NEGR1: variants seen among roughly 807,000 people sequenced by gnomAD.
The protein encoded by NEGR1 is neuronal growth regulator 1, also known as IgLON family member 4.
A neutral mutation model predicts 40.9 loss-of-function variants in NEGR1; 10 were observed. The observed-to-expected ratio is 0.24, with a 90% CI of 0.15 to 0.42. The LOEUF (loss-of-function observed/expected upper bound fraction) is 0.42, where lower values mean the gene tolerates loss of function less well. Ranked by LOEUF, NEGR1 falls within the 10% of genes least tolerant of loss-of-function variation. The pLI is 1.00. For missense variants in NEGR1, 352 were observed against 438.9 expected (o/e 0.80, Z 1.77); for synonymous variants, 185 against 166.8 (o/e 1.11, Z -0.84).
chr1:71,442,620 T>A (rs919033224), intron 6 of NEGR1, among the ~76,000 whole-genome samples: 1 of 151,948 alleles, frequency 6.6e-6, no homozygotes, highest in Non-Finnish European at 1.5e-5. Context: ...TCTCAAAAAA[T>A]AAATAAATAA....
At chr1:71,809,216 T>C (rs2101759588) in intron 2 of NEGR1, among the ~76,000 whole-genome samples, 1 of 152,188 alleles carries the variant, frequency 6.6e-6, no homozygotes, top group South Asian at 2.1e-4. Flanking sequence ...GGTGCTTCCC[T>C]GAGTTTTTTA....
intron 4 of NEGR1, 76 bp from the exon 5 acceptor site, chr1:71,611,222 T>A: frequency 7.5e-7 from 1 of 1,341,832 alleles, no homozygotes; most frequent in East Asian, 2.4e-5. Flanking sequence ...CACACATATA[T>A]TTTTATTCCT....
intron 1 of NEGR1, among the ~76,000 whole-genome samples, chr1:72,007,874 C>T (rs940697162): frequency 6.6e-6 from 1 of 151,950 alleles, no homozygotes; most frequent in Non-Finnish European, 1.5e-5. Flanking sequence ...TTTCTTTGCT[C>T]CTCAAAGAAA....
chr1:71,658,501 T>C (rs964859627), intron 4 of NEGR1, among the ~76,000 whole-genome samples: 4 of 152,186 alleles, frequency 2.6e-5, no homozygotes, highest in African/African-American at 7.2e-5. Flanking sequence ...AATTGCTTAA[T>C]ACGGGCCATG....
chr1:72,073,035 AT>A (rs1647539820), intron 1 of NEGR1, among the ~76,000 whole-genome samples: 1 of 152,172 alleles, frequency 6.6e-6, no homozygotes, highest in South Asian at 2.1e-4. Flanking sequence ...TTATTGGGGA[AT>A]GCTCCTGGCA....
At chr1:71,425,894 C>A (rs1203895838) in intron 6 of NEGR1, among the ~76,000 whole-genome samples, 1 of 152,086 alleles carries the variant, frequency 6.6e-6, no homozygotes, top group Non-Finnish European at 1.5e-5. Context: ...CCAAACATTC[C>A]CCTGAGGCTC....
At chr1:71,909,375 C>A (rs1557428583) in intron 2 of NEGR1, among the ~76,000 whole-genome samples, 1 of 152,130 alleles carries the variant, frequency 6.6e-6, no homozygotes, top group Non-Finnish European at 1.5e-5. Flanking sequence ...TTTTATATTT[C>A]TTCAAAGATA....
rs12027266 is a variant in NEGR1, at chr1:72,123,727, G to T, written c.176+158592C>A. On this transcript the variant is annotated intron_variant, in intron 1 of 6. Coordinates refer to ENST00000357731, the MANE Select transcript of NEGR1 (RefSeq NM_173808.3). ...AGTATGAACAAATCATTATCAAAAA[G>T]GATGAGGTAACATATTATTTTATAT... Among the ~76,000 whole-genome samples, 335 of 151,926 alleles carry T rather than the reference G, an allele frequency of 2.2e-3. 13 individuals are homozygous for T. The East Asian group carries it at 0.057, about 26-fold the overall frequency.
In NEGR1 at chr1:71,685,236, A is replaced by T. The variant is rs1273047162; in HGVS notation, c.667+12772T>A. ...AAAGACTTCTGTTTATGTTTCCTGC[A>T]TTCATTTACAATAGGGTTTACTTTT... On this transcript the variant is annotated intron_variant, in intron 4 of 6. Coordinates refer to ENST00000357731, the MANE Select transcript of NEGR1 (RefSeq NM_173808.3). 2.0e-5 allele frequency among the ~76,000 whole-genome samples: 3 copies of T among 151,962 alleles called. No homozygotes were observed. The East Asian group carries it at 5.8e-4, about 29-fold the overall frequency.
chr1:71,816,430 G>A (rs1170325467), intron 2 of NEGR1, among the ~76,000 whole-genome samples: 1 of 152,034 alleles, frequency 6.6e-6, no homozygotes, highest in East Asian at 1.9e-4. Context: ...CATGGCTAGG[G>A]AGGCCTCACA....
chr1:71,862,807 C>T (rs1659990738), intron 2 of NEGR1, among the ~76,000 whole-genome samples: 1 of 152,026 alleles, frequency 6.6e-6, no homozygotes, highest in Non-Finnish European at 1.5e-5. Context: ...AGACGATTCT[C>T]AAAAGAAGAC....
chr1:71,563,245 T>G (rs533167961), intron 6 of NEGR1, among the ~76,000 whole-genome samples: 6 of 151,996 alleles, frequency 3.9e-5, no homozygotes, highest in Non-Finnish European at 8.8e-5. Flanking sequence ...CTGCTGACTC[T>G]GGGAGATACT....
At chr1:71,999,682 T>TATATATATATATATATAC (rs1317765700) in intron 1 of NEGR1, among the ~76,000 whole-genome samples, 4 of 91,722 alleles carry the variant, frequency 4.4e-5, no homozygotes, top group Non-Finnish European at 8.7e-5. Flanking sequence ...TATATATACA[T>TATATATATATATATATAC]ACATATTTTT....
chr1:71,861,541 A>T (rs1017690910), intron 2 of NEGR1, among the ~76,000 whole-genome samples: 1 of 152,090 alleles, frequency 6.6e-6, no homozygotes, highest in African/African-American at 2.4e-5. Context: ...AGCTTCTTCA[A>T]CACCAAAGAA....
At chr1:71,990,012 C>T (rs766988603) in intron 1 of NEGR1, among the ~76,000 whole-genome samples, 5 of 152,132 alleles carry the variant, frequency 3.3e-5, no homozygotes, top group Non-Finnish European at 7.3e-5. Flanking sequence ...AACAAGGATG[C>T]ATTATCTGAT....
rs546160294 is a variant in NEGR1 at position 71,592,826 on chromosome 1, G to T, written c.931C>A (p.Pro311Thr). Reference sequence around the variant, plus strand: ...CCATTGCATTACTTACGGTTAAGAGGCAGGCTCGCATTGGTTGTGCCTAGC... The same window carrying T: ...CCATTGCATTACTTACGGTTAAGAGTCAGGCTCGCATTGGTTGTGCCTAGC... ...NKLGTTNASL[P>T]LNPPSTAQYG... is the part of the protein sequence containing the mutation. Residue 311 changes from proline (P) to threonine (T), a missense_variant, in exon 6 of 7, where the codon CCT (proline) becomes ACT (threonine). Transcript: ENST00000357731. 3 of 1,612,224 alleles carry T rather than the reference G, an allele frequency of 1.9e-6. No homozygotes were observed. In the South Asian group the frequency reaches 3.3e-5, roughly 18 times the overall value.
At chr1:72,264,007 T>C (rs1018485637) in intron 1 of NEGR1, among the ~76,000 whole-genome samples, 6 of 151,350 alleles carry the variant, frequency 4.0e-5, no homozygotes, top group Non-Finnish European at 7.4e-5. Context: ...GGGGAAACGG[T>C]GTTCTCTGGA....
chr1:71,566,899 T>C (rs951950), intron 6 of NEGR1, among the ~76,000 whole-genome samples: 92,496 of 151,912 alleles, frequency 0.61, 28,675 homozygotes, highest in Middle Eastern at 0.68. Context: ...GCTGTGTCCT[T>C]ACAGAGTGAA....
At chr1:72,153,474 T>G (rs576849661) in intron 1 of NEGR1, among the ~76,000 whole-genome samples, 9 of 151,974 alleles carry the variant, frequency 5.9e-5, no homozygotes, top group Admixed American at 3.9e-4. Flanking sequence ...ATATTATTAT[T>G]ATCATATGTT....
Sources: gnomAD v4.1 joint callset for allele counts (sites outside exome capture counted in the v4.1 genomes callset) on GRCh38, gnomAD v4.1.1 for gene constraint, MANE v1.5 for transcripts, NCBI Gene and HGNC (gene_info 2026-07-23, HGNC 2026-07-21) for gene names.